Variants in C9orf85 observed in about 807,000 individuals in gnomAD.
The protein encoded by C9orf85 is uncharacterized protein C9orf85.
A neutral mutation model predicts 14.9 loss-of-function variants in C9orf85; 16 were observed. The ratio of observed to expected loss-of-function variants is 1.08; its 90% CI spans 0.73 to 1.63. C9orf85 has a LOEUF of 1.63. Ranked by LOEUF, C9orf85 falls within the 40% of genes most tolerant of loss-of-function variation. C9orf85 has a pLI of 0.00. For synonymous variants in C9orf85, 45 were observed against 56.8 expected, an observed-to-expected ratio of 0.79 and a Z score of 0.93; for missense variants, 172 against 186.1, an observed-to-expected ratio of 0.92 and a Z score of 0.44.
intron 1 of C9orf85, among the ~76,000 whole-genome samples, chr9:71,935,991 TC>T (rs748116116): frequency 9.2e-4 from 139 of 151,830 alleles, no homozygotes; most frequent in Non-Finnish European, 1.8e-3. Context: ...AGAGGCCACT[TC>T]AGTAATACAG....
intron 1 of C9orf85, 31 bp downstream of exon 1, chr9:71,911,867 C>T (rs957422907): frequency 6.3e-7 from 1 of 1,591,392 alleles, no homozygotes; most frequent in African/African-American, 1.3e-5. Context: ...CCGTCTTTGA[C>T]TCCAGGAAGG....
downstream of C9orf85, among the ~76,000 whole-genome samples, chr9:71,973,639 C>T (rs1253203612): frequency 2.6e-5 from 4 of 152,006 alleles, no homozygotes; most frequent in East Asian, 7.7e-4. Flanking sequence ...TAAGTGTATG[C>T]ATTTTTTATA....
At chr9:71,951,496 CTG>C (rs1320953272) in intron 2 of C9orf85, among the ~76,000 whole-genome samples, 1 of 152,160 alleles carries the variant, frequency 6.6e-6, no homozygotes, top group African/African-American at 2.4e-5. Context: ...TCAGCACAAT[CTG>C]TACCAAGATC....
At chr9:71,955,853 A>G (rs753064437) in intron 2 of C9orf85, among the ~76,000 whole-genome samples, 17 of 152,202 alleles carry the variant, frequency 1.1e-4, no homozygotes, top group Non-Finnish European at 2.2e-4. Flanking sequence ...ATCAGTACAA[A>G]GTGAGTCCTT....
chr9:71,971,017 A>G (rs1822848020), intron 2 of C9orf85, among the ~76,000 whole-genome samples: 1 of 151,826 alleles, frequency 6.6e-6, no homozygotes, highest in African/African-American at 2.4e-5. Flanking sequence ...AGCCTCCCAA[A>G]CTGGTGGGAT....
At chr9:71,940,451 CAAA>C (rs1245065191) in intron 1 of C9orf85, among the ~76,000 whole-genome samples, 2 of 151,884 alleles carry the variant, frequency 1.3e-5, no homozygotes, top group Non-Finnish European at 2.9e-5. Flanking sequence ...AACAAACAAA[CAAA>C]AAACCCACGA....
chr9:71,958,462 A>G (rs978246310), intron 2 of C9orf85, among the ~76,000 whole-genome samples: 2 of 151,792 alleles, frequency 1.3e-5, no homozygotes, highest in African/African-American at 4.8e-5. Flanking sequence ...GGGTTTCTAC[A>G]TGTTGGTCAG....
chr9:71,964,688 T>C (rs1437782313), intron 2 of C9orf85, among the ~76,000 whole-genome samples: 2 of 152,122 alleles, frequency 1.3e-5, no homozygotes, highest in Non-Finnish European at 2.9e-5. Flanking sequence ...GGTCCATGGC[T>C]TCATTCTTGA....
chr9:71,959,916 A>G (rs894165288), intron 2 of C9orf85, among the ~76,000 whole-genome samples: 10 of 152,258 alleles, frequency 6.6e-5, no homozygotes, highest in Admixed American at 2.6e-4. Context: ...TCAATTTGCA[A>G]TTATTTTAAA....
chr9:71,962,312 T>C (rs1241941029), intron 2 of C9orf85, among the ~76,000 whole-genome samples: 1 of 152,220 alleles, frequency 6.6e-6, no homozygotes, highest in Non-Finnish European at 1.5e-5. Context: ...CTCGAGATAC[T>C]TAGAATTTGG....
In C9orf85 at chr9:71,971,499, T is replaced by C; in HGVS notation, c.210-6T>C. 6.8e-7 allele frequency: 1 copy of C among 1,469,790 alleles called. No individual in the cohort carries two copies. The highest frequency in any genetic ancestry group is 2.3e-5 in the East Asian group (1 of 43,054). The allele number at this position is 1,469,790 out of a possible 1,614,324, so 91.0% of individuals were successfully genotyped here. On this transcript the variant is annotated splice_polypyrimidine_tract_variant and splice_region_variant and intron_variant, in intron 2 of 3. Transcript: ENST00000334731. ...AAATAAGTTAACATTTTATTTTTTA[T>C]TTTAGTGTTAAATGTTTACAAAAGA... is the stretch of plus-strand genomic sequence containing the variant.
At chr9:71,976,544 C>T (rs1472583444), downstream of C9orf85, among the ~76,000 whole-genome samples, 1 of 151,892 alleles carries the variant, frequency 6.6e-6, no homozygotes, top group Non-Finnish European at 1.5e-5. Flanking sequence ...CGCCTGTAGT[C>T]CCAGCTACTT....
chr9:71,927,583 A>T (rs911357195), intron 1 of C9orf85, among the ~76,000 whole-genome samples: 1 of 152,198 alleles, frequency 6.6e-6, no homozygotes, highest in African/African-American at 2.4e-5. Flanking sequence ...CAGTATTGCC[A>T]TCAAAATTTT....
At chr9:71,970,625 C>T (rs1482544886) in intron 2 of C9orf85, among the ~76,000 whole-genome samples, 5 of 152,038 alleles carry the variant, frequency 3.3e-5, no homozygotes, top group Non-Finnish European at 5.9e-5. Flanking sequence ...GTTTTGAAAT[C>T]AATACATGTG....
intron 1 of C9orf85, among the ~76,000 whole-genome samples, chr9:71,923,668 G>T (rs1827867093): frequency 6.6e-6 from 1 of 152,114 alleles, no homozygotes; most frequent in African/African-American, 2.4e-5. Flanking sequence ...GTGGTACTCA[G>T]CTGACAGAAC....
chr9:71,971,756 G>T (rs754747538), intron 3 of C9orf85, 138 bp downstream of exon 3: 1 of 540,352 alleles, frequency 1.9e-6, no homozygotes, highest in Admixed American at 3.5e-5. Flanking sequence ...GGTGGATCAC[G>T]AGGTCAGGAG....
intron 3 of C9orf85, among the ~76,000 whole-genome samples, chr9:71,978,781 A>G (rs1823048341): frequency 6.6e-6 from 1 of 152,178 alleles, no homozygotes; most frequent in Admixed American, 6.5e-5. Context: ...CAGGCCTGTA[A>G]TCCCAGCACT....
intron 2 of C9orf85, among the ~76,000 whole-genome samples, chr9:71,966,703 G>A (rs1276274218): frequency 6.6e-6 from 1 of 152,164 alleles, no homozygotes; most frequent in Non-Finnish European, 1.5e-5. Flanking sequence ...CTCAGATTGT[G>A]GCAAAGCAGG....
chr9:71,973,799 T>G (rs1822951752), downstream of C9orf85, among the ~76,000 whole-genome samples: 2 of 151,564 alleles, frequency 1.3e-5, no homozygotes. Context: ...TTGTCTTAAT[T>G]TTTTTACTAC....
Sources: gnomAD v4.1 joint callset for allele counts (sites outside exome capture counted in the v4.1 genomes callset) on GRCh38, gnomAD v4.1.1 for gene constraint, MANE v1.5 for transcripts, NCBI Gene and HGNC (gene_info 2026-07-23, HGNC 2026-07-21) for gene names.